CHTF18: variants seen among roughly 807,000 people sequenced by gnomAD.
CHTF18 encodes chromosome transmission fidelity protein 18 homolog.
Under a neutral mutation model 113.4 loss-of-function variants are expected in CHTF18, and 151 were observed. The observed-to-expected ratio is 1.33, with a 90% confidence interval of 1.17 to 1.52. The LOEUF is 1.52. CHTF18 is among the 40% of genes most tolerant of loss of function. The pLI is 0.00. For synonymous variants in CHTF18, 916 were observed against 598.8 expected, an observed-to-expected ratio of 1.53 and a Z score of -7.74; for missense variants, 1,982 against 1,381.6, an observed-to-expected ratio of 1.43 and a Z score of -6.89.
At position 788,714 on chromosome 16, in the gene CHTF18, C is replaced by G; in HGVS notation, c.30C>G (p.Gly10=). The change falls in exon 1 of 22, where the codon GGC becomes GGG. Residue 10 remains glycine (G), a synonymous_variant. Transcript: ENST00000262315. ...AGGACTACGAGCAGGAGCTGTGCGG[C>G]GTCGAGGATGATTTCCACAACCAGT... MEDYEQELC[G]VEDDFHNQFA... 6.2e-7 allele frequency: 1 copy of G among 1,601,478 alleles called. No homozygotes were observed. The highest frequency in any genetic ancestry group is 1.3e-5 in the African/African-American group (1 of 74,196).
rs749848369 is a variant in CHTF18 at position 797,993 on chromosome 16, A to G, written c.*18A>G. The stretch of plus-strand genomic sequence containing the variant: ...TGCTCTAGTTCTCTGAGCCGCGGAC[A>G]TGCCCTCGCATTGCTTCCCGCAGAG... On this transcript the variant is annotated 3_prime_UTR_variant, in exon 22 of 22. Transcript: ENST00000262315. 17 of 1,601,584 alleles carry G rather than the reference A, an allele frequency of 1.1e-5. No individual in the cohort carries two copies. The highest frequency in any genetic ancestry group is 9.0e-5 in the East Asian group (4 of 44,656).
At chr16:792,887 G>C in intron 12 of CHTF18, 76 bp downstream of exon 12, 1 of 1,530,426 alleles carries the variant, frequency 6.5e-7, no homozygotes, top group Non-Finnish European at 8.8e-7. Flanking sequence ...CTGTTTCCCT[G>C]CCCCTCCCCA....
rs1185217935 is a variant in CHTF18 at position 792,258 on chromosome 16, A to G, written c.1237A>G (p.Ile413Val). 3.2e-6 allele frequency: 5 copies of G among 1,565,222 alleles called. No individual in the cohort carries two copies. The highest frequency in any genetic ancestry group is 3.8e-5 in the Admixed American group (2 of 53,294). ...TAGCCCGGAGGTCTTCCGCACACGC[A>G]TCGAGGCGGCCACCCAGATGGAGTC... is the stretch of plus-strand genomic sequence containing the variant. ...DRSPEVFRTR[I>V]EAATQMESVL... The change falls in exon 10 of 22, where the codon ATC becomes GTC. Residue 413 changes from isoleucine (I) to valine (V), a missense_variant. By Grantham distance (29) the Ile-to-Val change is conservative (BLOSUM62 3). Transcript: ENST00000262315.
chr16:791,298 G>A lies in CHTF18; in HGVS notation c.1032G>A (p.Trp344Ter). 6.2e-7 allele frequency: 1 copy of A among 1,610,694 alleles called. No homozygotes were observed. The highest frequency in any genetic ancestry group is 8.5e-7 in the Non-Finnish European group (1 of 1,179,580). Residue 344 changes from tryptophan (W) to a stop codon, truncating the protein, a stop_gained, in exon 8 of 22, where the codon TGG becomes TGA. Transcript: ENST00000262315. LOFTEE classifies it high-confidence loss of function. ...AGGAGGCCACAGCCCCAGGCAAGTG[G>A]AAGAGCCACGAACAGGTGCTGGAGG... ...VSKEATAPGK[W>*]KSHEQVLEEM...
rs763586942 is a variant in CHTF18 at position 797,073 on chromosome 16, G to T, written c.2714G>T (p.Arg905Leu). The change falls in exon 20 of 22, where the codon CGA (arginine) becomes CTA (leucine). Residue 905 changes from arginine (R) to leucine (L), a missense_variant. Transcript: ENST00000262315. Reference sequence around the variant, plus strand: ...CAGCGGCTGGAGCACATCATGAGGCGAGCGGCCCGGGAGGAACAGGTGTGG... The same window carrying T: ...CAGCGGCTGGAGCACATCATGAGGCTAGCGGCCCGGGAGGAACAGGTGTGG... ...HEQRLEHIMR[R>L]AAREEQPEKD... 8 of 1,537,860 alleles carry T rather than the reference G, an allele frequency of 5.2e-6. No individual in the cohort carries two copies. The highest frequency in any genetic ancestry group is 7.0e-6 in the Non-Finnish European group (8 of 1,144,722).
Position 789,663 on chromosome 16 carries a change from G to C in CHTF18, c.554G>C (p.Gly185Ala). The C allele has an allele frequency of 6.2e-7, 1 of 1,604,000 alleles. No individual in the cohort carries two copies. Among genetic ancestry groups the C allele is most frequent in the Non-Finnish European group, 8.5e-7 (1 of 1,179,618 alleles). ...EDYVHVTSTE[G>A]VRAYLVLRAD... Reference sequence around the variant, plus strand: ...TACGTCCACGTGACATCCACGGAGGGCGTCCGGGCTTATCTGGTGCTGCGT... The same window carrying C: ...TACGTCCACGTGACATCCACGGAGGCCGTCCGGGCTTATCTGGTGCTGCGT... Residue 185 changes from glycine to alanine, a missense_variant, in exon 4 of 22, where the codon GGC becomes GCC. Coordinates refer to ENST00000262315, the MANE Select transcript of CHTF18 (RefSeq NM_022092.3).
At chr16:793,615 C>T (rs2042260822) in intron 14 of CHTF18, 2 of 532,814 alleles carry the variant, frequency 3.8e-6, no homozygotes, top group South Asian at 4.0e-5. Context: ...GCTGTGGTCT[C>T]TGAGCCCCTG....
At chr16:795,449 C>G in intron 16 of CHTF18, 93 bp downstream of exon 16, 1 of 505,362 alleles carries the variant, frequency 2.0e-6, no homozygotes. Flanking sequence ...GCCCGCCCCC[C>G]CAAACACACT....
rs745911940 is a variant in CHTF18, at chr16:790,370, G to C, written c.723G>C (p.Glu241Asp). The C allele has an allele frequency of 6.2e-7, 1 of 1,611,800 alleles. No homozygotes were observed. Among genetic ancestry groups the C allele is most frequent in the Admixed American group, 1.7e-5 (1 of 59,918 alleles). ...AGCGGCGGGAGCGGCTGCTTCAGGA[G>C]GCCCAGAAGCTTTCAGACACCCTGC... ...DGERRERLLQ[E>D]AQKLSDTLHS... Residue 241 changes from glutamate (E) to aspartate (D), a missense_variant, in exon 6 of 22, where the codon GAG becomes GAC. Glu to Asp is a conservative substitution (Grantham distance 45, BLOSUM62 2). Coordinates refer to ENST00000262315, the MANE Select transcript of CHTF18 (RefSeq NM_022092.3).
In CHTF18 at chr16:795,961, G is replaced by C. The variant is rs777199332; in HGVS notation, c.2340G>C (p.Leu780=). Residue 780 remains leucine (L), a synonymous_variant, in exon 18 of 22, where the codon CTG becomes CTC. Transcript: ENST00000262315. The part of the protein sequence containing the change: ...APKLRPVSTQ[L]YSTREKQQLA... ...CCATCCCCTAGGTGAGCACACAGCT[G>C]TACAGCACCCGTGAAAAGCAACAGC... 6.2e-7 allele frequency: 1 copy of C among 1,609,612 alleles called. No homozygotes were observed. The highest frequency in any genetic ancestry group is 2.2e-5 in the East Asian group (1 of 44,656).
chr16:789,260 A>G lies in CHTF18; in HGVS notation c.337A>G (p.Arg113Gly), dbSNP rs763705510. The G allele has an allele frequency of 6.4e-7, 1 of 1,561,490 alleles. No individual in the cohort carries two copies. The highest frequency in any genetic ancestry group is 2.4e-5 in the East Asian group (1 of 41,584). The change falls in exon 3 of 22, where the codon AGA becomes GGA. Residue 113 changes from arginine (R) to glycine (G), a missense_variant. Coordinates refer to ENST00000262315, the MANE Select transcript of CHTF18 (RefSeq NM_022092.3). ...RLQVVKRLNF[R>G]SEEMEEPPPP... ...GCAGGTGGTCAAGAGGCTGAACTTC[A>G]GATCGGAGGAGATGGAGGAGCCGCC...
intron 9 of CHTF18, 76 bp from the exon 10 acceptor site, chr16:792,148 C>T (rs755519671): frequency 4.9e-5 from 74 of 1,524,530 alleles, no homozygotes; most frequent in Non-Finnish European, 6.0e-5. Context: ...CACGCAAATG[C>T]GGCAGCCCCG....
Position 791,884 on chromosome 16 carries a change from A to T in CHTF18, c.1138A>T (p.Lys380Ter). The change falls in exon 9 of 22, where the codon AAG (lysine) becomes TAG (stop). Residue 380 changes from lysine (K) to a stop codon, truncating the protein, a stop_gained. Coordinates refer to ENST00000262315, the MANE Select transcript of CHTF18 (RefSeq NM_022092.3). LOFTEE classifies it high-confidence loss of function. ...ALLCGPPGLGKTTLAHVIARH... is the reference protein window; with the variant it reads ...ALLCGPPGLG ...GCTCTGTGGGCCCCCGGGGCTGGGGAAGACCACCCTGGCACACGTGATTGC... is the reference window on the plus strand; with the variant it reads ...GCTCTGTGGGCCCCCGGGGCTGGGGTAGACCACCCTGGCACACGTGATTGC... The T allele has an allele frequency of 6.2e-7, 1 of 1,609,078 alleles. No homozygotes were observed. Among genetic ancestry groups the T allele is most frequent in the Non-Finnish European group, 8.5e-7 (1 of 1,178,538 alleles).
chr16:790,885 T>C (rs2042178756), intron 7 of CHTF18: 26 of 1,432,090 alleles, frequency 1.8e-5, no homozygotes, highest in Non-Finnish European at 2.3e-5. Context: ...GGGTGTCACC[T>C]GATCCAAGTC....
At chr16:794,377 G>A (rs1170199568) in intron 15 of CHTF18, among the ~76,000 whole-genome samples, 176 bp downstream of exon 15, 1 of 152,192 alleles carries the variant, frequency 6.6e-6, no homozygotes, top group Non-Finnish European at 1.5e-5. Context: ...GGAGCCAGGA[G>A]GGTGGGAGGG....
At position 798,027 on chromosome 16, in the gene CHTF18, C is replaced by G. The variant is rs556997693; in HGVS notation, c.*52C>G. On this transcript the variant is annotated 3_prime_UTR_variant, in exon 22 of 22. Transcript: ENST00000262315. ...CATTGCTTCCCGCAGAGTGCAGAGA[C>G]AGGAAGCTGGAGATGTCTTTATAAA... 4 of 1,571,908 alleles carry G rather than the reference C, an allele frequency of 2.5e-6. No individual in the cohort carries two copies. The East Asian group carries it at 9.0e-5, about 35-fold the overall frequency.
rs1338527668 is a variant in CHTF18, at chr16:788,919, C to T, written c.92-12C>T. On this transcript the variant is annotated splice_polypyrimidine_tract_variant and intron_variant, in intron 1 of 21. Coordinates refer to ENST00000262315, the MANE Select transcript of CHTF18 (RefSeq NM_022092.3). ...TCTCGGGGCGGCCGCTGACAATCTC[C>T]TCTCCCAGCAGGGGCGTCGACTCCG... 3 of 1,532,632 alleles carry T rather than the reference C, an allele frequency of 2.0e-6. No individual in the cohort carries two copies. Among genetic ancestry groups the T allele is most frequent in the South Asian group, 2.4e-5 (2 of 82,826 alleles). The allele number at this position is 1,532,632 out of a possible 1,614,324, so 94.9% of individuals were successfully genotyped here.
In CHTF18 at chr16:791,945, C is replaced by A; in HGVS notation, c.1199C>A (p.Ala400Asp). ...HAGYSVVEMN[A>D]SDDRSPEVFR... ...GGGTACTCTGTGGTGGAGATGAACG[C>A]CAGGTGAGTGATGTGAGGTCCGTCT... Residue 400 changes from alanine (A) to aspartate (D), a missense_variant, in exon 9 of 22, where the codon GCC becomes GAC. Transcript: ENST00000262315. The A allele has an allele frequency of 6.2e-7, 1 of 1,606,862 alleles. No homozygotes were observed. The highest frequency in any genetic ancestry group is 8.5e-7 in the Non-Finnish European group (1 of 1,177,350).
Position 797,839 on chromosome 16 carries a change from G to A in CHTF18, c.2792G>A (p.Gly931Glu), listed in dbSNP as rs1345829603. 6.2e-7 allele frequency: 1 copy of A among 1,602,164 alleles called. No homozygotes were observed. The highest frequency in any genetic ancestry group is 1.3e-5 in the African/African-American group (1 of 74,774). Residue 931 changes from glycine to glutamate, a missense_variant and splice_region_variant, in exon 22 of 22, where the codon GGG (glycine) becomes GAG (glutamate). Gly to Glu is a moderately conservative substitution (Grantham distance 98, BLOSUM62 -2). Coordinates refer to ENST00000262315, the MANE Select transcript of CHTF18 (RefSeq NM_022092.3). Reference sequence around the variant, plus strand: ...GAGGAGCAACCCTGTGGCCCCGCAGGGGACACGGCCCCGGAGCAGGACTCA... The same window carrying A: ...GAGGAGCAACCCTGTGGCCCCGCAGAGGACACGGCCCCGGAGCAGGACTCA... ...VVRSTAVPSAGDTAPEQDSVE... is the reference protein window; with the variant it reads ...VVRSTAVPSAEDTAPEQDSVE...
Sources: allele counts gnomAD v4.1 joint callset (sites outside exome capture counted in the v4.1 genomes callset), GRCh38; gene constraint gnomAD v4.1.1; transcripts MANE v1.5; gene names NCBI Gene and HGNC (gene_info 2026-07-23, HGNC 2026-07-21).